The following PIWIL1 variants were observed in gnomAD, a reference collection of about 807,000 sequenced individuals.
PIWIL1 encodes the protein piwi-like protein 1.
A neutral mutation model predicts 114.4 loss-of-function variants in PIWIL1; 73 were observed. The ratio of observed to expected loss-of-function variants is 0.64; its 90% CI spans 0.53 to 0.78. The LOEUF is 0.78. Ranked by LOEUF, PIWIL1 falls within the 30% of genes least tolerant of loss-of-function variation. PIWIL1 has a pLI of 0.00. For synonymous variants in PIWIL1, 375 were observed against 369.0 expected (o/e 1.02, Z -0.19); for missense variants, 723 against 1,063.1 (o/e 0.68, Z 4.45).
chr12:130,345,532 T>C (rs1481208772), intron 3 of PIWIL1: 12 of 446,412 alleles, frequency 2.7e-5, no homozygotes, highest in Non-Finnish European at 4.8e-5. Flanking sequence ...CATCTGCAAT[T>C]GCCCAGGACA....
At chr12:130,389,009 G>C in the PIWIL1 span, among the ~76,000 whole-genome samples, 4 of 152,026 alleles carry the variant, frequency 2.6e-5, no homozygotes, top group East Asian at 7.7e-4. Flanking sequence ...CTTTCTAAGA[G>C]CTTTCAAAGG....
At chr12:130,399,374 G>A in the PIWIL1 span, among the ~76,000 whole-genome samples, 2 of 152,094 alleles carry the variant, frequency 1.3e-5, no homozygotes, top group African/African-American at 4.8e-5. Flanking sequence ...ATCTGAAGAG[G>A]AGCCATCCCC....
chr12:130,421,691 A>ATGTGTGTGTGTGTGTGTGTGTG, the PIWIL1 span, among the ~76,000 whole-genome samples: 211 of 147,282 alleles, frequency 1.4e-3, 2 homozygotes, highest in African/African-American at 5.2e-3. Flanking sequence ...CTGCATTTAT[A>ATGTGTGTGTGTGTGTGTGTGTG]TGTGTGTGTG....
the PIWIL1 span, among the ~76,000 whole-genome samples, chr12:130,400,383 C>T: frequency 6.6e-6 from 1 of 152,210 alleles, no homozygotes; most frequent in South Asian, 2.1e-4. Context: ...CCTCCTCAGA[C>T]ATTACTGCTT....
At chr12:130,417,733 T>A in the PIWIL1 span, among the ~76,000 whole-genome samples, 1 of 152,188 alleles carries the variant, frequency 6.6e-6, no homozygotes. Flanking sequence ...AAAATAAAAG[T>A]TGAAAGTTTA....
At chr12:130,385,330 A>T in the PIWIL1 span, among the ~76,000 whole-genome samples, 1 of 152,254 alleles carries the variant, frequency 6.6e-6, no homozygotes, top group African/African-American at 2.4e-5. Context: ...TTGAAACATT[A>T]TCATGAGCTA....
At chr12:130,383,644 AC>A in the PIWIL1 span, 1 of 152,214 alleles carries the variant, frequency 6.6e-6, no homozygotes, top group East Asian at 1.9e-4. Context: ...CGTACCCAAG[AC>A]AAAAATTATA....
the PIWIL1 span, chr12:130,424,863 C>T: frequency 3.9e-5 from 48 of 1,231,318 alleles, no homozygotes; most frequent in African/African-American, 1.2e-4. The surrounding 1 kb of genome is among the most constrained non-coding windows in gnomAD (Gnocchi z 9.8). Flanking sequence ...GCAGTCCTTA[C>T]GGGGTGGTGT....
At chr12:130,405,416 G>T in the PIWIL1 span, among the ~76,000 whole-genome samples, 1 of 152,178 alleles carries the variant, frequency 6.6e-6, no homozygotes, top group Non-Finnish European at 1.5e-5. Flanking sequence ...TCTGATAAAG[G>T]CGGTGGGGGA....
the PIWIL1 span, chr12:130,422,481 C>T: frequency 1.9e-6 from 3 of 1,612,864 alleles, no homozygotes; most frequent in Non-Finnish European, 2.5e-6. The surrounding 1 kb of genome is among the most constrained non-coding windows in gnomAD (Gnocchi z 5.2). Context: ...CGGGCCGGGA[C>T]CTCTGAGGAC....
intron 3 of PIWIL1, 31 bp from the exon 4 acceptor site, chr12:130,345,722 A>G: frequency 6.2e-7 from 1 of 1,612,608 alleles, no homozygotes; most frequent in Non-Finnish European, 8.5e-7. Context: ...TTCGTGCTTT[A>G]TGTTGCTCAA....
At chr12:130,384,458 G>A in the PIWIL1 span, among the ~76,000 whole-genome samples, 1 of 152,290 alleles carries the variant, frequency 6.6e-6, no homozygotes, top group South Asian at 2.1e-4. Context: ...AGGACGCTGA[G>A]TACCAGCACA....
At chr12:130,414,284 A>G in the PIWIL1 span, 3,270 of 1,602,540 alleles carry the variant, frequency 2.0e-3, 61 homozygotes, top group African/African-American at 0.04. Flanking sequence ...AGTCTGGAGA[A>G]AGGCGGTCTC....
At position 130,368,599 on chromosome 12, in the gene PIWIL1, A is replaced by AG. The variant is rs201931633; in HGVS notation, c.2321+1341_2321+1342insG. On this transcript the variant is annotated intron_variant, in intron 19 of 20. Transcript: ENST00000245255. ...AAGGATTCTAGCCTATTGGGGAAAA[A>AG]TTGGCTAGAAAGACAAAAGAAGGCT... Among the ~76,000 whole-genome samples the AG allele has an allele frequency of 1.1e-4, 17 of 152,264 alleles. No homozygotes were observed. In the East Asian group the frequency reaches 3.3e-3, roughly 29 times the overall value.
the PIWIL1 span, chr12:130,397,689 T>G: frequency 2.5e-6 from 1 of 394,610 alleles, no homozygotes; most frequent in African/African-American, 2.1e-5. Context: ...AAGTATGCCA[T>G]GAGAAGCAAA....
At chr12:130,377,115 G>A (rs2073873013), downstream of PIWIL1, among the ~76,000 whole-genome samples, 1 of 152,168 alleles carries the variant, frequency 6.6e-6, no homozygotes, top group Admixed American at 6.5e-5. Context: ...CTAGTGTAGT[G>A]CCCAGCTTAC....
the PIWIL1 span, among the ~76,000 whole-genome samples, chr12:130,409,499 C>G: frequency 6.6e-6 from 1 of 151,984 alleles, no homozygotes; most frequent in Non-Finnish European, 1.5e-5. Flanking sequence ...CCCGCCACCA[C>G]GCCCGGCTAA....
chr12:130,399,185 GAAAT>G, the PIWIL1 span: 2 of 1,317,564 alleles, frequency 1.5e-6, no homozygotes, highest in Non-Finnish European at 2.0e-6. Flanking sequence ...GATGAGCAAA[GAAAT>G]AAAAATATAT....
chr12:130,374,139 C>T (rs2073848638), downstream of PIWIL1, among the ~76,000 whole-genome samples: 1 of 152,274 alleles, frequency 6.6e-6, no homozygotes. Flanking sequence ...AAATGTGACA[C>T]TCATTGAAGC....
Sources: gnomAD v4.1 joint callset for allele counts (sites outside exome capture counted in the v4.1 genomes callset) on GRCh38, gnomAD v4.1.1 for gene constraint, Gnocchi (gnomAD v3.1) non-coding constraint, MANE v1.5 for transcripts, NCBI Gene and HGNC (gene_info 2026-07-23, HGNC 2026-07-21) for gene names.